Variants in STRN3 observed in about 807,000 individuals in gnomAD.
STRN3 encodes the protein striatin 3.
A neutral mutation model predicts 95.6 loss-of-function variants in STRN3; 29 were observed. The ratio of observed to expected loss-of-function variants is 0.30; its 90% CI spans 0.23 to 0.41. The LOEUF is 0.41. Ranked by LOEUF, STRN3 falls within the 10% of genes least tolerant of loss-of-function variation. STRN3 has a pLI of 1.00. For missense variants in STRN3, 890 were observed against 972.1 expected, an observed-to-expected ratio of 0.92 and a Z score of 1.12; for synonymous variants, 331 against 357.6, an observed-to-expected ratio of 0.93 and a Z score of 0.84.
At chr14:31,004,854 A>G (rs569918699) in intron 1 of STRN3, among the ~76,000 whole-genome samples, 2 of 152,302 alleles carry the variant, frequency 1.3e-5, no homozygotes, top group Admixed American at 6.5e-5. Flanking sequence ...ACACAGGTCT[A>G]AAACAATTTA....
intron 4 of STRN3, among the ~76,000 whole-genome samples, chr14:30,949,344 G>T (rs7350753): frequency 1 from 152,151 of 152,320 alleles, 75,991 homozygotes; most frequent in Middle Eastern, 1. Flanking sequence ...CAGGTGCGGT[G>T]GCTCACACCT....
At chr14:30,971,941 T>C (rs1209130652) in intron 1 of STRN3, among the ~76,000 whole-genome samples, 1 of 152,140 alleles carries the variant, frequency 6.6e-6, no homozygotes, top group Non-Finnish European at 1.5e-5. Context: ...ATCCTCCACC[T>C]TATCCAGAGA....
chr14:30,977,981 T>C (rs1243175050), intron 1 of STRN3, among the ~76,000 whole-genome samples: 2 of 152,104 alleles, frequency 1.3e-5, no homozygotes, highest in East Asian at 3.8e-4. Flanking sequence ...ATGACGTGAA[T>C]GGATCCATAT....
chr14:30,977,213 C>T (rs913628786), intron 1 of STRN3, among the ~76,000 whole-genome samples: 1 of 151,326 alleles, frequency 6.6e-6, no homozygotes, highest in Non-Finnish European at 1.5e-5. Flanking sequence ...GCAACAAGAG[C>T]GAAACTCTGT....
intron 1 of STRN3, among the ~76,000 whole-genome samples, chr14:31,009,711 T>C (rs964105716): frequency 2.7e-5 from 4 of 150,810 alleles, no homozygotes; most frequent in East Asian, 3.9e-4. Context: ...TCAAAATAAA[T>C]AGAAGTGGCT....
intron 8 of STRN3, among the ~76,000 whole-genome samples, chr14:30,922,771 ATTG>A (rs1171370352): frequency 7.2e-5 from 11 of 152,168 alleles, no homozygotes; most frequent in Admixed American, 2.0e-4. Flanking sequence ...ATTTAAGACA[ATTG>A]TTGTCTTAAA....
chr14:30,945,148 T>C (rs935067525), intron 5 of STRN3, among the ~76,000 whole-genome samples: 2 of 152,158 alleles, frequency 1.3e-5, no homozygotes, highest in Non-Finnish European at 2.9e-5. Context: ...CAAAAGTATA[T>C]CTGTTAGACA....
At chr14:30,900,897 TTGAG>T (rs927233126) in intron 16 of STRN3, among the ~76,000 whole-genome samples, 2 of 152,330 alleles carry the variant, frequency 1.3e-5, no homozygotes, top group South Asian at 4.1e-4. Context: ...TTATTTGATA[TTGAG>T]TAAGCTTTTA....
chr14:31,024,889 G>A (rs983481093), intron 1 of STRN3, among the ~76,000 whole-genome samples: 2 of 152,134 alleles, frequency 1.3e-5, no homozygotes, highest in Admixed American at 6.6e-5. Context: ...AAATACCCAA[G>A]AAAGTTAAAT....
Position 31,026,107 on chromosome 14 carries a change from TC to T in STRN3, c.78del (p.Asn27ThrfsTer84). 2 of 1,510,816 alleles carry T rather than the reference TC, an allele frequency of 1.3e-6. No individual in the cohort carries two copies. The highest frequency in any genetic ancestry group is 2.7e-5 in the East Asian group (1 of 36,920). 93.6% of individuals were successfully genotyped at this position (1,510,816 alleles called of 1,614,324 possible). On this transcript the variant is annotated frameshift_variant, in exon 1 of 18. Transcript: ENST00000357479. LOFTEE classifies it high-confidence loss of function. ...APPRQQQGPG[G>X]NLGLSPGGNG... is the part of the protein sequence containing the mutation. ...TTCCCCCCGGGCGAAAGGCCCAGGTTCCCCCCAGGTCCCTGCTGCTGCCGGG... is the reference window on the plus strand; with the variant it reads ...TTCCCCCCGGGCGAAAGGCCCAGGTTCCCCCAGGTCCCTGCTGCTGCCGGG...
At chr14:30,967,018 G>C (rs1880549049) in intron 1 of STRN3, among the ~76,000 whole-genome samples, 1 of 151,590 alleles carries the variant, frequency 6.6e-6, no homozygotes, top group African/African-American at 2.4e-5. Flanking sequence ...GACAGGCAAG[G>C]TGAGACACCC....
chr14:31,017,566 T>C (rs537679587), intron 1 of STRN3, among the ~76,000 whole-genome samples: 2 of 151,882 alleles, frequency 1.3e-5, no homozygotes, highest in South Asian at 2.1e-4. Context: ...TACAAACTCA[T>C]TGTATTGAGG....
At chr14:30,915,618 A>G (rs1380868301) in intron 9 of STRN3, among the ~76,000 whole-genome samples, 1 of 152,192 alleles carries the variant, frequency 6.6e-6, no homozygotes, top group African/African-American at 2.4e-5. Context: ...TTTAAGGATA[A>G]TTATATAAAA....
At chr14:30,974,616 A>AAAC (rs1183589946) in intron 1 of STRN3, among the ~76,000 whole-genome samples, 1 of 151,728 alleles carries the variant, frequency 6.6e-6, no homozygotes, top group Admixed American at 6.6e-5. Context: ...ACAAAAAAAA[A>AAAC]AAAAAAACCT....
chr14:31,013,759 T>C (rs571477554), intron 1 of STRN3, among the ~76,000 whole-genome samples: 6 of 145,208 alleles, frequency 4.1e-5, no homozygotes, highest in Non-Finnish European at 9.1e-5. Context: ...TCTGGCTAAA[T>C]TTTTTCTTTT....
intron 1 of STRN3, among the ~76,000 whole-genome samples, chr14:31,013,500 C>T (rs1883066945): frequency 6.6e-6 from 1 of 151,942 alleles, no homozygotes; most frequent in Non-Finnish European, 1.5e-5. Context: ...CACACACAGA[C>T]TAAAAAAAAA....
At chr14:31,000,394 G>A (rs904493400) in intron 1 of STRN3, among the ~76,000 whole-genome samples, 7 of 151,850 alleles carry the variant, frequency 4.6e-5, no homozygotes, top group Non-Finnish European at 7.4e-5. Context: ...AGGAAATAAA[G>A]CTTTATAGGA....
chr14:30,997,292 T>A (rs1046544260), intron 1 of STRN3, among the ~76,000 whole-genome samples: 2 of 152,166 alleles, frequency 1.3e-5, no homozygotes, highest in African/African-American at 2.4e-5. Context: ...GGACAGCCAA[T>A]TCTTAGAGAC....
At chr14:30,911,711 A>T in intron 12 of STRN3, 66 bp downstream of exon 12, 1 of 1,410,174 alleles carries the variant, frequency 7.1e-7, no homozygotes, top group Non-Finnish European at 9.7e-7. Flanking sequence ...ACAAGGTTTG[A>T]GGACCGATAA....
Sources: gnomAD v4.1 joint callset for allele counts (sites outside exome capture counted in the v4.1 genomes callset) on GRCh38, gnomAD v4.1.1 for gene constraint, MANE v1.5 for transcripts, NCBI Gene and HGNC (gene_info 2026-07-23, HGNC 2026-07-21) for gene names.